Variants in GDI2 observed in about 807,000 individuals in gnomAD.
The protein encoded by GDI2 is GDP dissociation inhibitor 2.
GDI2 carries 22 observed loss-of-function variants against 54.2 expected under a neutral mutation model. The ratio of observed to expected loss-of-function variants is 0.41; its 90% confidence interval spans 0.29 to 0.58. The LOEUF (loss-of-function observed/expected upper bound fraction) is 0.58, where lower values mean the gene tolerates loss of function less well. GDI2 is among the 20% of genes least tolerant of loss of function. The pLI is 0.35. For synonymous variants in GDI2, 177 were observed against 182.1 expected, an observed-to-expected ratio of 0.97 and a Z score of 0.23; for missense variants, 422 against 546.0, an observed-to-expected ratio of 0.77 and a Z score of 2.26.
chr10:5,771,292 G>A lies in GDI2; in HGVS notation c.819+2550C>T, dbSNP rs1840483732. ...ATTCAGAAGTATAAGTTTTAGAATT[G>A]GGCAGATCAGGGTTCAAATCCTGGC... On this transcript the variant is annotated intron_variant, in intron 7 of 10. Transcript: ENST00000380191. Among the ~76,000 whole-genome samples, 4 of 152,094 alleles carry A rather than the reference G, an allele frequency of 2.6e-5. No homozygotes were observed. The South Asian group carries it at 8.3e-4, about 32-fold the overall frequency.
rs2131680035 is a variant in GDI2 at position 5,768,498 on chromosome 10, GT to G, written c.820-115del. 2 of 659,756 alleles carry G rather than the reference GT, an allele frequency of 3.0e-6. No homozygotes were observed. Among genetic ancestry groups the G allele is most frequent in the East Asian group, 5.5e-5 (2 of 36,446 alleles). The allele number at this position is 659,756 out of a possible 1,614,324, so 40.9% of individuals were successfully genotyped here. Reference sequence around the variant, plus strand: ...TTAAGATATCAAAAACCATCCTCAAGTTCATATTGGTTCCCAAGGGATTGAA... The same window carrying G: ...TTAAGATATCAAAAACCATCCTCAAGTCATATTGGTTCCCAAGGGATTGAA... On this transcript the variant is annotated intron_variant, in intron 7 of 10. Coordinates refer to ENST00000380191, the MANE Select transcript of GDI2 (RefSeq NM_001494.4). This position sits in a 1 kb window ranked among gnomAD's most constrained non-coding sequence, Gnocchi z 4.4.
At chr10:5,797,070 T>C (rs1841162421) in intron 2 of GDI2, among the ~76,000 whole-genome samples, 1 of 152,082 alleles carries the variant, frequency 6.6e-6, no homozygotes. Flanking sequence ...ATGTTAAAAT[T>C]AACAAATATG....
chr10:5,785,188 G>C lies in GDI2; in HGVS notation c.673C>G (p.Leu225Val), dbSNP rs1588975543. Residue 225 changes from leucine (L) to valine (V), a missense_variant, in exon 6 of 11, where the codon CTT (leucine) becomes GTT (valine). Transcript: ENST00000380191. Reference protein sequence around the residue: ...SLARYGKSPYLYPLYGLGELP... With the variant: ...SLARYGKSPYVYPLYGLGELP... ...TCTCCAAGGCCATAGAGTGGATAAA[G>C]GTATGGGCTTTTGCCATATCTTGCC... 1 of 1,612,470 alleles carries C rather than the reference G, an allele frequency of 6.2e-7. No individual in the cohort carries two copies. The highest frequency in any genetic ancestry group is 8.5e-7 in the Non-Finnish European group (1 of 1,178,802).
intron 4 of GDI2, among the ~76,000 whole-genome samples, chr10:5,787,838 T>G (rs1369102607): frequency 6.6e-6 from 1 of 152,236 alleles, no homozygotes; most frequent in Non-Finnish European, 1.5e-5. Flanking sequence ...TTTGTTTATT[T>G]AATAGAAACC....
intron 6 of GDI2, among the ~76,000 whole-genome samples, chr10:5,775,498 T>G (rs996680676): frequency 6.6e-6 from 1 of 152,102 alleles, no homozygotes; most frequent in Non-Finnish European, 1.5e-5. Flanking sequence ...TCCTATTGAT[T>G]TGAGATGTGA....
rs1840624930 is a variant in GDI2, at chr10:5,776,472, C to G, written c.720-2531G>C. ...ATTTTTACTTTAGCAAAAGAGTGAG[C>G]CAGCAGAGCCATGTATTAGAAGCAA... On this transcript the variant is annotated intron_variant, in intron 6 of 10. Transcript: ENST00000380191. The surrounding 1 kb of genome is among the most constrained non-coding windows in gnomAD (Gnocchi z 5.3). The G allele has an allele frequency of 3.1e-6, 3 of 973,102 alleles. No homozygotes were observed. The highest frequency in any genetic ancestry group is 5.0e-6 in the Non-Finnish European group (3 of 599,818). 60.3% of individuals were successfully genotyped at this position (973,102 alleles called of 1,614,324 possible).
At chr10:5,794,188 A>AAAAAAAAAT (rs1448053813) in intron 4 of GDI2, among the ~76,000 whole-genome samples, 2 of 40,340 alleles carry the variant, frequency 5.0e-5, no homozygotes, top group African/African-American at 1.0e-4. Flanking sequence ...AAAAAAAAAA[A>AAAAAAAAAT]ATATATATAT....
At position 5,774,651 on chromosome 10, in the gene GDI2, C is replaced by A. The variant is rs1840576865; in HGVS notation, c.720-710G>T. On this transcript the variant is annotated intron_variant, in intron 6 of 10. Transcript: ENST00000380191. The surrounding 1 kb of genome is among the most constrained non-coding windows in gnomAD (Gnocchi z 4.8). Reference sequence around the variant, plus strand: ...TCTTCGGGGTCCACACTGAGCAGACCTGAGACACTAATGGCCCTCCTGGAC... The same window carrying A: ...TCTTCGGGGTCCACACTGAGCAGACATGAGACACTAATGGCCCTCCTGGAC... Among the ~76,000 whole-genome samples, 2 of 152,104 alleles carry A rather than the reference C, an allele frequency of 1.3e-5. No homozygotes were observed. Among genetic ancestry groups the A allele is most frequent in the South Asian group, 4.1e-4 (2 of 4,824 alleles).
intron 2 of GDI2, among the ~76,000 whole-genome samples, chr10:5,798,190 G>C (rs1042318131): frequency 3.9e-5 from 6 of 152,280 alleles, no homozygotes; most frequent in African/African-American, 1.4e-4. Flanking sequence ...TTGAAATGAA[G>C]CTCAGATTTC....
chr10:5,803,967 G>A (rs1268909896), intron 1 of GDI2, among the ~76,000 whole-genome samples: 1 of 151,986 alleles, frequency 6.6e-6, no homozygotes, highest in African/African-American at 2.4e-5. Flanking sequence ...TTTGAAACCC[G>A]TATTTTTAAA....
intron 1 of GDI2, among the ~76,000 whole-genome samples, chr10:5,809,851 G>A (rs1841452652): frequency 6.6e-6 from 1 of 152,172 alleles, no homozygotes; most frequent in Non-Finnish European, 1.5e-5. Context: ...TCACACTATT[G>A]TCATCTCTAC....
intron 6 of GDI2, among the ~76,000 whole-genome samples, chr10:5,778,448 A>C (rs1840675242): frequency 6.6e-6 from 1 of 152,214 alleles, no homozygotes; most frequent in African/African-American, 2.4e-5. Context: ...TGTTTAAATA[A>C]GTTGTGTAAG....
At chr10:5,795,613 T>C (rs901838944) in intron 3 of GDI2, among the ~76,000 whole-genome samples, 13 of 152,228 alleles carry the variant, frequency 8.5e-5, no homozygotes, top group African/African-American at 2.9e-4. Context: ...GAAAAATTTA[T>C]TAGAGATATG....
intron 4 of GDI2, among the ~76,000 whole-genome samples, chr10:5,787,667 T>TA (rs1840910590): frequency 6.6e-6 from 1 of 152,216 alleles, no homozygotes. Flanking sequence ...GCACTATACT[T>TA]AAGACACAAG....
intron 1 of GDI2, among the ~76,000 whole-genome samples, chr10:5,803,650 C>G (rs559680118): frequency 1.3e-5 from 2 of 152,044 alleles, no homozygotes; most frequent in East Asian, 3.8e-4. Context: ...GCATATAGGA[C>G]AACCACCAAT....
chr10:5,783,194 T>C (rs762707662), intron 6 of GDI2, among the ~76,000 whole-genome samples: 7 of 152,184 alleles, frequency 4.6e-5, no homozygotes, highest in African/African-American at 7.2e-5. Flanking sequence ...AGGACAGGGA[T>C]AGGTCTATAA....
chr10:5,794,384 G>A (rs1461813841), intron 4 of GDI2, among the ~76,000 whole-genome samples: 1 of 151,188 alleles, frequency 6.6e-6, no homozygotes, highest in Non-Finnish European at 1.5e-5. Flanking sequence ...AAGCACCAGG[G>A]CTCTGGAGCC....
chr10:5,804,735 T>C lies in GDI2; in HGVS notation c.46-4030A>G, dbSNP rs961329127. Among the ~76,000 whole-genome samples the C allele has an allele frequency of 6.6e-5, 10 of 152,294 alleles. No individual in the cohort carries two copies. The South Asian group carries it at 2.1e-3, about 32-fold the overall frequency. On this transcript the variant is annotated intron_variant, in intron 1 of 10. Transcript: ENST00000380191. ...AAATACCCATATCTGTTCATGTACA[T>C]ACTGTTTATGGCTGTTTTCCTAGTA...
chr10:5,792,205 C>G lies in GDI2; in HGVS notation c.388+2680G>C, dbSNP rs371413351. On this transcript the variant is annotated intron_variant, in intron 4 of 10. Coordinates refer to ENST00000380191, the MANE Select transcript of GDI2 (RefSeq NM_001494.4). ...AAGAGTGTGGGATTCTAAAGTCAGA[C>G]AGACCTGGCTCCAAACCAGTTACTA... Among the ~76,000 whole-genome samples the G allele has an allele frequency of 5.9e-5, 9 of 152,266 alleles. No homozygotes were observed. In the South Asian group the frequency reaches 1.9e-3, roughly 32 times the overall value.
Sources: gnomAD v4.1 joint callset for allele counts (sites outside exome capture counted in the v4.1 genomes callset) on GRCh38, gnomAD v4.1.1 for gene constraint, Gnocchi (gnomAD v3.1) non-coding constraint, MANE v1.5 for transcripts, NCBI Gene and HGNC (gene_info 2026-07-23, HGNC 2026-07-21) for gene names.